The following TMEM139 variants were observed in gnomAD, a reference collection of about 807,000 sequenced individuals.
TMEM139 encodes the protein transmembrane protein 139.
Under a neutral mutation model 15.9 loss-of-function variants are expected in TMEM139, and 9 were observed. The observed-to-expected ratio is 0.57, with a 90% confidence interval of 0.34 to 0.99. The LOEUF is 0.99. Among genes scored for constraint, TMEM139 ranks in the 50% least tolerant of loss-of-function variants. The pLI, the probability that TMEM139 is intolerant of heterozygous loss-of-function variation, is 0.02. For synonymous variants in TMEM139, 95 were observed against 110.5 expected (o/e 0.86, Z 0.88); for missense variants, 270 against 267.7 (o/e 1.01, Z -0.06).
chr7:143,285,585 C>A (rs1286711059), intron 1 of TMEM139, 140 bp downstream of exon 1: 4 of 261,178 alleles, frequency 1.5e-5, no homozygotes, highest in Non-Finnish European at 3.0e-5. Flanking sequence ...TCCAGAGATG[C>A]CAGTGTGCAC....
intron 1 of TMEM139, chr7:143,285,730 AGT>A: frequency 1.7e-6 from 1 of 588,062 alleles, no homozygotes; most frequent in Non-Finnish European, 3.0e-6. Context: ...AATGGCTGGG[AGT>A]CAAAGCTCCT....
intron 2 of TMEM139, 84 bp from the exon 3 acceptor site, chr7:143,286,340 A>T: frequency 6.5e-7 from 1 of 1,530,246 alleles, no homozygotes; most frequent in Non-Finnish European, 8.8e-7. Flanking sequence ...CCAACAGAGG[A>T]TCTTTTGCCC....
At chr7:143,286,244 C>A (rs113745741) in intron 2 of TMEM139, 42 bp downstream of exon 2, 1 of 1,608,672 alleles carries the variant, frequency 6.2e-7, no homozygotes, top group Admixed American at 1.7e-5. Flanking sequence ...ACACCTTGGG[C>A]CCATCCTCCC....
At chr7:143,285,677 G>A in intron 1 of TMEM139, 3 of 466,616 alleles carry the variant, frequency 6.4e-6, no homozygotes, top group East Asian at 4.3e-5. Flanking sequence ...TACAGGGAAG[G>A]AGAAAGGAAA....
intron 2 of TMEM139, 21 bp from the exon 3 acceptor site, chr7:143,286,403 G>T: frequency 6.6e-7 from 1 of 1,522,982 alleles, no homozygotes; most frequent in East Asian, 2.3e-5. Flanking sequence ...GCCACCAATG[G>T]CCTTATTTCT....
Position 143,286,955 on chromosome 7 carries a change from C to G in TMEM139, c.*126C>G. On this transcript the variant is annotated 3_prime_UTR_variant, in exon 3 of 3. Transcript: ENST00000359333. ...GGACATCATAAATGGGGACTTGGACCCTGAGGAGAGTCAGGCCACGGTAAG... is the reference window on the plus strand; with the variant it reads ...GGACATCATAAATGGGGACTTGGACGCTGAGGAGAGTCAGGCCACGGTAAG... The G allele has an allele frequency of 8.5e-7, 1 of 1,181,218 alleles. No individual in the cohort carries two copies. The highest frequency in any genetic ancestry group is 2.4e-5 in the East Asian group (1 of 41,676). 73.2% of individuals were successfully genotyped at this position (1,181,218 alleles called of 1,614,324 possible). A position where few individuals can be genotyped will look rare whatever the true frequency, so the allele number is the denominator to read the frequency against.
rs781534226 is a variant in TMEM139 at position 143,286,161 on chromosome 7, A to G, written c.204A>G (p.Gln68=). The change falls in exon 2 of 3, where the codon CAA becomes CAG. Residue 68 remains glutamine (Q), a synonymous_variant. Transcript: ENST00000359333. ...AATGGGGGCTTCGGTCCCAGCTCCA[A>G]TCAATGCAGACTGAGAGCCCAGGGC... The part of the protein sequence containing the change: ...FLEWGLRSQL[Q]SMQTESPGPS... 6.8e-6 allele frequency: 11 copies of G among 1,614,048 alleles called. No homozygotes were observed. The highest frequency in any genetic ancestry group is 3.3e-5 in the Admixed American group (2 of 60,024).
rs747865628 is a variant in TMEM139 at position 143,286,429 on chromosome 7, A to G, written c.251A>G (p.Asn84Ser). Residue 84 changes from asparagine (N) to serine (S), a missense_variant, in exon 3 of 3, where the codon AAT becomes AGT. Asn to Ser is a conservative substitution (Grantham distance 46). Transcript: ENST00000359333. ...CCTTATTTCTCTTCCCTCAGGGACA[A>G]TGAAGCCTTTGAAGTGCCAGTCTAT... ...SPGPSGNARDNEAFEVPVYEE... is the reference protein window; with the variant it reads ...SPGPSGNARDSEAFEVPVYEE... 34 of 1,526,632 alleles carry G rather than the reference A, an allele frequency of 2.2e-5. No homozygotes were observed. Among genetic ancestry groups the G allele is most frequent in the Non-Finnish European group, 2.9e-5 (33 of 1,140,524 alleles). 94.6% of individuals were successfully genotyped at this position (1,526,632 alleles called of 1,614,324 possible).
Position 143,287,064 on chromosome 7 carries a change from G to A in TMEM139, c.*235G>A. 1.1e-5 allele frequency: 5 copies of A among 468,604 alleles called. No homozygotes were observed. Among genetic ancestry groups the A allele is most frequent in the Non-Finnish European group, 1.1e-5 (3 of 263,780 alleles). 29.0% of individuals were successfully genotyped at this position (468,604 alleles called of 1,614,324 possible). ...CTACCCCATATCCAATATTTCCAGC[G>A]TTAGATTGAGGATGAGGTAGGGAGG... On this transcript the variant is annotated 3_prime_UTR_variant, in exon 3 of 3. Coordinates refer to ENST00000359333, the MANE Select transcript of TMEM139 (RefSeq NM_001282876.2).
At chr7:143,285,868 G>A (rs1053450114) in intron 1 of TMEM139, 73 bp from the exon 2 acceptor site, 2 of 1,568,098 alleles carry the variant, frequency 1.3e-6, no homozygotes, top group Non-Finnish European at 1.7e-6. Flanking sequence ...ATATCATATG[G>A]TTACTTTGGT....
chr7:143,285,954 G>A lies in TMEM139; in HGVS notation c.-4G>A. 2 of 1,614,126 alleles carry A rather than the reference G, an allele frequency of 1.2e-6. No homozygotes were observed. The highest frequency in any genetic ancestry group is 1.7e-6 in the Non-Finnish European group (2 of 1,180,004). On this transcript the variant is annotated 5_prime_UTR_variant, in exon 2 of 3. Coordinates refer to ENST00000359333, the MANE Select transcript of TMEM139 (RefSeq NM_001282876.2). ...GTCTTTTTGCAGGAGCCTGGGGAGG[G>A]GCCATGGTGCCAATGCACTTACTGG...
chr7:143,285,878 T>C, intron 1 of TMEM139, 63 bp from the exon 2 acceptor site: 8 of 1,587,654 alleles, frequency 5.0e-6, no homozygotes, highest in Non-Finnish European at 6.9e-6. Flanking sequence ...GTTACTTTGG[T>C]ATCTGACACA....
chr7:143,286,304 G>A (rs1801302843), intron 2 of TMEM139, 102 bp downstream of exon 2: 1 of 1,564,448 alleles, frequency 6.4e-7, no homozygotes, highest in African/African-American at 1.4e-5. Context: ...CCTGTCATTG[G>A]CATCAGCGGG....
In TMEM139 at chr7:143,287,538, G is replaced by C. The variant is rs1367106098; in HGVS notation, c.*709G>C. On this transcript the variant is annotated 3_prime_UTR_variant, in exon 3 of 3. Transcript: ENST00000359333. ...TGGTGATCCCTGCTCCGCGTGCGTA[G>C]CAGTGTCTGTGCCTCTCCTGCCCAG... is the stretch of plus-strand genomic sequence containing the variant. The C allele has an allele frequency of 6.6e-6, 1 of 152,342 alleles. No homozygotes were observed. Among genetic ancestry groups the C allele is most frequent in the Non-Finnish European group, 1.5e-5 (1 of 68,106 alleles). The allele number at this position is 152,342 out of a possible 1,614,324, so 9.4% of individuals were successfully genotyped here.
chr7:143,286,238 C>G, intron 2 of TMEM139, 36 bp downstream of exon 2: 1 of 1,609,704 alleles, frequency 6.2e-7, no homozygotes. Flanking sequence ...AGGAATACAC[C>G]TTGGGCCCAT....
chr7:143,286,851 T>A lies in TMEM139; in HGVS notation c.*22T>A, dbSNP rs1315766700. ...TTAAATGACTCTCCCAAGATTTCTC[T>A]TCTCTCCACACCAGACCTCGTTCAT... On this transcript the variant is annotated 3_prime_UTR_variant, in exon 3 of 3. Coordinates refer to ENST00000359333, the MANE Select transcript of TMEM139 (RefSeq NM_001282876.2). 4 of 1,559,934 alleles carry A rather than the reference T, an allele frequency of 2.6e-6. No individual in the cohort carries two copies. In the East Asian group the frequency reaches 9.0e-5, roughly 35 times the overall value.
rs748124760 is a variant in TMEM139 at position 143,286,182 on chromosome 7, A to C, written c.225A>C (p.Pro75=). 8.7e-6 allele frequency: 14 copies of C among 1,614,024 alleles called. No individual in the cohort carries two copies. In the Admixed American group the frequency reaches 1.5e-4, roughly 17 times the overall value. The change falls in exon 2 of 3, where the codon CCA becomes CCC. Residue 75 remains proline (P), a synonymous_variant. Coordinates refer to ENST00000359333, the MANE Select transcript of TMEM139 (RefSeq NM_001282876.2). The stretch of plus-strand genomic sequence containing the variant: ...TCCAATCAATGCAGACTGAGAGCCC[A>C]GGGCCCTCAGGCAATGCACGGTGAG... ...SQLQSMQTES[P]GPSGNARDNE... is the part of the protein sequence containing the mutation.
chr7:143,286,266 A>C, intron 2 of TMEM139, 64 bp downstream of exon 2: 1 of 1,601,806 alleles, frequency 6.2e-7, no homozygotes, highest in Non-Finnish European at 8.5e-7. Flanking sequence ...CTCTCCCTGT[A>C]GTCTCTGAGG....
Position 143,286,668 on chromosome 7 carries a change from C to A in TMEM139, c.490C>A (p.Arg164=), listed in dbSNP as rs568613967. The change falls in exon 3 of 3, where the codon CGG becomes AGG. Residue 164 remains arginine, a synonymous_variant. Coordinates refer to ENST00000359333, the MANE Select transcript of TMEM139 (RefSeq NM_001282876.2). The stretch of plus-strand genomic sequence containing the variant: ...CCCTGGAAGAGCTCCAATCAACCTT[C>A]GGCTTCGGGGACCACGGGCTGTGTC... ...GSPGRAPINL[R]LRGPRAVSTA... 5.6e-6 allele frequency: 9 copies of A among 1,614,208 alleles called. No homozygotes were observed. In the South Asian group the frequency reaches 8.8e-5, roughly 16 times the overall value.
Sources: gnomAD v4.1 joint callset for allele counts on GRCh38, gnomAD v4.1.1 for gene constraint, MANE v1.5 for transcripts, NCBI Gene and HGNC (gene_info 2026-07-23, HGNC 2026-07-21) for gene names.